Variants in CTIF observed in about 807,000 individuals in gnomAD.
The protein encoded by CTIF is CBP80/20-dependent translation initiation factor.
In CTIF, 21 loss-of-function variants were observed where a neutral mutation model predicts 66.0. The ratio of observed to expected loss-of-function variants is 0.32; its 90% CI spans 0.23 to 0.46. The LOEUF (loss-of-function observed/expected upper bound fraction) is 0.46, where lower values mean the gene tolerates loss of function less well. Among genes scored for constraint, CTIF ranks in the 20% least tolerant of loss-of-function variants. The pLI is 1.00. For synonymous variants in CTIF, 345 were observed against 326.4 expected (o/e 1.06, Z -0.62); for missense variants, 739 against 812.7 (o/e 0.91, Z 1.10).
At chr18:48,790,095 G>A (rs2067759899) in intron 9 of CTIF, among the ~76,000 whole-genome samples, 1 of 152,224 alleles carries the variant, frequency 6.6e-6, no homozygotes, top group South Asian at 2.1e-4. Context: ...CTAGGTGTTG[G>A]GGAAGGGATG....
chr18:48,773,769 G>A (rs1432335419), intron 9 of CTIF, among the ~76,000 whole-genome samples: 1 of 151,808 alleles, frequency 6.6e-6, no homozygotes, highest in Non-Finnish European at 1.5e-5. Flanking sequence ...ATGCTGCTGT[G>A]GGCTTATCTC....
chr18:48,628,623 A>G (rs2090645483), intron 2 of CTIF, among the ~76,000 whole-genome samples: 1 of 152,070 alleles, frequency 6.6e-6, no homozygotes, highest in South Asian at 2.1e-4. Context: ...TAGACCTATT[A>G]TTATTACAGA....
intron 2 of CTIF, among the ~76,000 whole-genome samples, chr18:48,622,818 G>T (rs1279823173): frequency 6.6e-6 from 1 of 152,142 alleles, no homozygotes; most frequent in African/African-American, 2.4e-5. Flanking sequence ...CTGTGGATGG[G>T]CATATGGGCT....
At chr18:48,663,902 G>A (rs965452407) in intron 4 of CTIF, 77 bp downstream of exon 4, 65 of 1,275,024 alleles carry the variant, frequency 5.1e-5, no homozygotes, top group Middle Eastern at 1.8e-4. Context: ...CGGAATGAAC[G>A]CTGATGGTTC....
intron 1 of CTIF, among the ~76,000 whole-genome samples, chr18:48,618,946 G>A (rs2090445001): frequency 6.6e-6 from 1 of 152,252 alleles, no homozygotes; most frequent in African/African-American, 2.4e-5. Context: ...CACCATAGGT[G>A]TGTTCCAGTA....
At chr18:48,691,650 C>G (rs6507860) in intron 6 of CTIF, among the ~76,000 whole-genome samples, 51,218 of 152,014 alleles carry the variant, frequency 0.34, 10,731 homozygotes, top group African/African-American at 0.6. Flanking sequence ...TCTCCCCACT[C>G]CTTCTCTTGT....
At chr18:48,615,573 C>T (rs2090384059) in intron 1 of CTIF, among the ~76,000 whole-genome samples, 1 of 152,198 alleles carries the variant, frequency 6.6e-6, no homozygotes, top group African/African-American at 2.4e-5. Flanking sequence ...CACTGTGGGC[C>T]ACGGGGCTCA....
intron 3 of CTIF, among the ~76,000 whole-genome samples, chr18:48,648,574 G>C (rs1291440683): frequency 6.6e-6 from 1 of 151,700 alleles, no homozygotes; most frequent in Non-Finnish European, 1.5e-5. Flanking sequence ...CTCCCCCTGT[G>C]CTTTCCCCCT....
At chr18:48,624,870 G>A (rs528033271) in intron 2 of CTIF, among the ~76,000 whole-genome samples, 2 of 152,104 alleles carry the variant, frequency 1.3e-5, no homozygotes, top group African/African-American at 4.8e-5. Flanking sequence ...CTTGTTAAGG[G>A]GTCAAATTAA....
In CTIF at chr18:48,736,548, C is replaced by T. The variant is rs56196007; in HGVS notation, c.585-21371C>T. On this transcript the variant is annotated intron_variant, in intron 7 of 11. Coordinates refer to ENST00000256413, the MANE Select transcript of CTIF (RefSeq NM_014772.3). ...CTATCCTGTTCCTCCGATGATTTTC[C>T]TTCTGGGCATATATATTTCCTGGCC... Among the ~76,000 whole-genome samples, 1,199 of 152,316 alleles carry T rather than the reference C, an allele frequency of 7.9e-3. 15 individuals are homozygous for T. Among genetic ancestry groups the T allele is most frequent in the African/African-American group, 0.028 (1,153 of 41,546 alleles).
chr18:48,692,915 G>C (rs74952919), intron 6 of CTIF, among the ~76,000 whole-genome samples: 1 of 152,210 alleles, frequency 6.6e-6, no homozygotes, highest in East Asian at 1.9e-4. Context: ...ATTGCATAAA[G>C]TGAATATGGC....
chr18:48,783,402 C>T (rs1911423588), intron 9 of CTIF, among the ~76,000 whole-genome samples: 1 of 151,788 alleles, frequency 6.6e-6, no homozygotes, highest in African/African-American at 2.4e-5. Flanking sequence ...ACGGATGAAG[C>T]TTTAAAAAAA....
At chr18:48,574,155 C>T (rs1378156097) in intron 1 of CTIF, among the ~76,000 whole-genome samples, 2 of 152,368 alleles carry the variant, frequency 1.3e-5, no homozygotes, top group South Asian at 4.1e-4. Context: ...TGCTGTCACT[C>T]TGAAGAGGGA....
chr18:48,602,796 T>TGGGTGAAC (rs2090114591), intron 1 of CTIF, among the ~76,000 whole-genome samples: 1 of 152,154 alleles, frequency 6.6e-6, no homozygotes, highest in Non-Finnish European at 1.5e-5. Flanking sequence ...GGTGGATGGA[T>TGGGTGAAC]GGGTGGGTGA....
chr18:48,716,603 G>T (rs1042803476), intron 7 of CTIF, among the ~76,000 whole-genome samples: 5 of 152,106 alleles, frequency 3.3e-5, no homozygotes, highest in African/African-American at 1.2e-4. Context: ...AGAGCCATGT[G>T]GGTGGTGCTC....
intron 10 of CTIF, among the ~76,000 whole-genome samples, chr18:48,830,464 C>T (rs1023555603): frequency 5.3e-5 from 8 of 152,178 alleles, no homozygotes; most frequent in African/African-American, 1.4e-4. Context: ...AACCACCGCG[C>T]CCGGCCAGAT....
At chr18:48,680,687 G>A (rs901909039) in intron 6 of CTIF, among the ~76,000 whole-genome samples, 6 of 152,262 alleles carry the variant, frequency 3.9e-5, no homozygotes, top group African/African-American at 1.4e-4. Context: ...CCAATTTGGC[G>A]ATGCCCTTGA....
chr18:48,601,959 C>G (rs1054892577), intron 1 of CTIF, among the ~76,000 whole-genome samples: 3 of 152,220 alleles, frequency 2.0e-5, no homozygotes, highest in Non-Finnish European at 4.4e-5. Flanking sequence ...AATTGGCTTG[C>G]TCGTTTCACT....
chr18:48,687,321 C>A (rs1167254038), intron 6 of CTIF, among the ~76,000 whole-genome samples: 1 of 148,782 alleles, frequency 6.7e-6, no homozygotes, highest in Non-Finnish European at 1.5e-5. Context: ...CACACACACA[C>A]ACACACACAC....
Sources: allele counts gnomAD v4.1 joint callset (sites outside exome capture counted in the v4.1 genomes callset), GRCh38; gene constraint gnomAD v4.1.1; transcripts MANE v1.5; gene names NCBI Gene and HGNC (gene_info 2026-07-23, HGNC 2026-07-21).